The following KCND2 variants were observed in gnomAD, a reference collection of about 807,000 sequenced individuals.
KCND2 encodes the protein potassium voltage-gated channel subfamily D member 2.
KCND2 carries 16 observed loss-of-function variants against 54.4 expected under a neutral mutation model. The observed-to-expected ratio is 0.29, with a 90% confidence interval of 0.20 to 0.45. The LOEUF (loss-of-function observed/expected upper bound fraction) is 0.45, where lower values mean the gene tolerates loss of function less well. Among genes scored for constraint, KCND2 ranks in the 20% least tolerant of loss-of-function variants. The pLI is 1.00. For missense variants in KCND2, 486 were observed against 824.2 expected, an observed-to-expected ratio of 0.59 and a Z score of 5.02; for synonymous variants, 317 against 310.7, an observed-to-expected ratio of 1.02 and a Z score of -0.21.
At chr7:120,621,014 C>G (rs1163328581) in intron 1 of KCND2, among the ~76,000 whole-genome samples, 3 of 152,090 alleles carry the variant, frequency 2.0e-5, no homozygotes, top group Non-Finnish European at 4.4e-5. Context: ...GTGGCTCACA[C>G]TTGTAATCCC....
At chr7:120,717,404 C>A (rs772179841) in intron 1 of KCND2, among the ~76,000 whole-genome samples, 1 of 152,034 alleles carries the variant, frequency 6.6e-6, no homozygotes, top group Non-Finnish European at 1.5e-5. Flanking sequence ...TAGAAGTGCA[C>A]GTTCCTTAAA....
intron 1 of KCND2, among the ~76,000 whole-genome samples, chr7:120,484,701 GCACACACA>G (rs3067134): frequency 1.1e-3 from 146 of 137,632 alleles, no homozygotes; most frequent in African/African-American, 2.7e-3. Context: ...TATATTACAC[GCACACACA>G]CACACACACA....
chr7:120,323,153 C>T (rs1247822608), intron 1 of KCND2, among the ~76,000 whole-genome samples: 1 of 151,976 alleles, frequency 6.6e-6, no homozygotes, highest in Non-Finnish European at 1.5e-5. Flanking sequence ...TCCTTACCTC[C>T]CACCCCCGAC....
At chr7:120,621,183 G>C (rs1421093044) in intron 1 of KCND2, among the ~76,000 whole-genome samples, 1 of 142,946 alleles carries the variant, frequency 7.0e-6, no homozygotes, top group African/African-American at 2.6e-5. Flanking sequence ...TGAGGCAGGA[G>C]AATCACTTGA....
chr7:120,279,552 A>C (rs57324110), intron 1 of KCND2, among the ~76,000 whole-genome samples: 2 of 152,058 alleles, frequency 1.3e-5, no homozygotes, highest in African/African-American at 4.8e-5. Context: ...CTGATTTCAG[A>C]ACAAATTTGG....
chr7:120,560,824 A>C (rs1247439832), intron 1 of KCND2, among the ~76,000 whole-genome samples: 3 of 152,196 alleles, frequency 2.0e-5, no homozygotes, highest in Non-Finnish European at 4.4e-5. Context: ...ATAAATGTTA[A>C]AAGATTATCG....
At chr7:120,465,831 A>C (rs1026172620) in intron 1 of KCND2, among the ~76,000 whole-genome samples, 2 of 152,210 alleles carry the variant, frequency 1.3e-5, no homozygotes, top group African/African-American at 4.8e-5. Context: ...AGAATATAGG[A>C]GTGAGAATCA....
At chr7:120,361,539 G>A (rs1005559251) in intron 1 of KCND2, among the ~76,000 whole-genome samples, 5 of 152,006 alleles carry the variant, frequency 3.3e-5, no homozygotes, top group Non-Finnish European at 7.4e-5. Context: ...ATTTATTTGA[G>A]GATGGAGAGT....
At chr7:120,564,057 T>C (rs1376023536) in intron 1 of KCND2, among the ~76,000 whole-genome samples, 1 of 152,192 alleles carries the variant, frequency 6.6e-6, no homozygotes, top group South Asian at 2.1e-4. Flanking sequence ...AACTCATTTC[T>C]ATATATAATA....
At chr7:120,708,723 T>C (rs150670244) in intron 1 of KCND2, among the ~76,000 whole-genome samples, 1 of 152,220 alleles carries the variant, frequency 6.6e-6, no homozygotes, top group Non-Finnish European at 1.5e-5. Flanking sequence ...TGAATTAAAA[T>C]ATTTCACCAC....
At chr7:120,548,229 A>C (rs1253338421) in intron 1 of KCND2, among the ~76,000 whole-genome samples, 1 of 152,096 alleles carries the variant, frequency 6.6e-6, no homozygotes, top group Non-Finnish European at 1.5e-5. Context: ...ATGTGTTCAA[A>C]ACAGCCATGC....
chr7:120,682,956 G>C (rs1019669998), intron 1 of KCND2, among the ~76,000 whole-genome samples: 25 of 152,200 alleles, frequency 1.6e-4, no homozygotes, highest in African/African-American at 5.5e-4. Flanking sequence ...AGAACAACTT[G>C]CAAAGAATAA....
chr7:120,618,544 C>G (rs568872663), intron 1 of KCND2, among the ~76,000 whole-genome samples: 1 of 151,562 alleles, frequency 6.6e-6, no homozygotes, highest in Non-Finnish European at 1.5e-5. Context: ...ATATAATTAA[C>G]ACTCTTTTTT....
chr7:120,703,482 G>A (rs935859110), intron 1 of KCND2, among the ~76,000 whole-genome samples: 7 of 152,164 alleles, frequency 4.6e-5, no homozygotes. Flanking sequence ...AATTGGGAGC[G>A]ATGTGGCTAT....
At chr7:120,346,207 G>T (rs1306077702) in intron 1 of KCND2, among the ~76,000 whole-genome samples, 1 of 151,948 alleles carries the variant, frequency 6.6e-6, no homozygotes, top group African/African-American at 2.4e-5. Flanking sequence ...TGAGCTGCAG[G>T]GATCCTTTAT....
At chr7:120,573,171 A>G (rs1359952296) in intron 1 of KCND2, among the ~76,000 whole-genome samples, 4 of 152,228 alleles carry the variant, frequency 2.6e-5, no homozygotes, top group South Asian at 2.1e-4. Flanking sequence ...GAGTATTTTC[A>G]TCTTCCATAG....
At chr7:120,645,346 T>C (rs988504341) in intron 1 of KCND2, among the ~76,000 whole-genome samples, 2 of 152,114 alleles carry the variant, frequency 1.3e-5, no homozygotes, top group African/African-American at 4.8e-5. Flanking sequence ...CCATGACTAG[T>C]GGCATGTTAA....
chr7:120,543,148 T>A (rs559751639), intron 1 of KCND2, among the ~76,000 whole-genome samples: 4 of 151,174 alleles, frequency 2.6e-5, no homozygotes, highest in Non-Finnish European at 3.0e-5. Flanking sequence ...AACCTCAAAA[T>A]ATATATATAT....
At chr7:120,611,622 G>A (rs758807663) in intron 1 of KCND2, among the ~76,000 whole-genome samples, 7 of 152,164 alleles carry the variant, frequency 4.6e-5, no homozygotes, top group Non-Finnish European at 8.8e-5. Context: ...AGGAACACAT[G>A]AATCAGGATG....
Sources: allele counts gnomAD v4.1 joint callset (sites outside exome capture counted in the v4.1 genomes callset), GRCh38; gene constraint gnomAD v4.1.1; transcripts MANE v1.5; gene names NCBI Gene and HGNC (gene_info 2026-07-23, HGNC 2026-07-21).